NRXN3: variants seen among roughly 807,000 people sequenced by gnomAD.
NRXN3 encodes neurexin 3.
NRXN3 carries 32 observed loss-of-function variants against 137.6 expected under a neutral mutation model. The observed-to-expected ratio is 0.23, with a 90% confidence interval of 0.18 to 0.31. NRXN3 has a LOEUF of 0.31. Among genes scored for constraint, NRXN3 ranks in the 10% least tolerant of loss-of-function variants. The pLI is 1.00. For synonymous variants in NRXN3, 798 were observed against 784.5 expected (o/e 1.02, Z -0.29); for missense variants, 1,574 against 2,062.5 (o/e 0.76, Z 4.59).
chr14:79,381,861 G>C (rs1464680775), intron 15 of NRXN3, among the ~76,000 whole-genome samples: 2 of 152,104 alleles, frequency 1.3e-5, no homozygotes, highest in Admixed American at 1.3e-4. Context: ...TGATGATTTT[G>C]GGTTCACATT....
chr14:79,713,244 C>T (rs549283197), intron 19 of NRXN3, among the ~76,000 whole-genome samples: 233 of 139,420 alleles, frequency 1.7e-3, no homozygotes, highest in African/African-American at 6.0e-3. Flanking sequence ...ACTTACAACT[C>T]AGGTCTCTTG....
intron 16 of NRXN3, among the ~76,000 whole-genome samples, chr14:79,490,095 T>C (rs909515506): frequency 2.7e-5 from 4 of 148,676 alleles, no homozygotes; most frequent in Non-Finnish European, 5.9e-5. Flanking sequence ...AAGCTCCAAG[T>C]GAGGTACAAA....
intron 4 of NRXN3, among the ~76,000 whole-genome samples, chr14:78,463,907 T>C (rs1180368473): frequency 1.3e-5 from 2 of 151,858 alleles, no homozygotes; most frequent in East Asian, 3.9e-4. Context: ...AACACAGTTG[T>C]TCAGTATTGC....
chr14:79,619,405 G>A (rs961701715), intron 16 of NRXN3, among the ~76,000 whole-genome samples: 1 of 152,038 alleles, frequency 6.6e-6, no homozygotes, highest in Non-Finnish European at 1.5e-5. Context: ...TAGGGGTCCA[G>A]TTTCAATCTT....
intron 16 of NRXN3, among the ~76,000 whole-genome samples, chr14:79,622,687 C>T (rs1022673252): frequency 1.6e-4 from 24 of 152,138 alleles, no homozygotes; most frequent in African/African-American, 5.6e-4. Flanking sequence ...ACCTCCGCCT[C>T]CCAGGTTCAA....
At chr14:78,298,908 G>A (rs1597024342) in intron 4 of NRXN3, among the ~76,000 whole-genome samples, 1 of 152,160 alleles carries the variant, frequency 6.6e-6, no homozygotes, top group Non-Finnish European at 1.5e-5. Context: ...CCCTGACATT[G>A]AGTCCATCAG....
chr14:79,652,348 C>CA (rs2098480591), intron 16 of NRXN3, among the ~76,000 whole-genome samples: 1 of 151,998 alleles, frequency 6.6e-6, no homozygotes, highest in Admixed American at 6.6e-5. Flanking sequence ...CTTTAAATGT[C>CA]AAAAAATAAA....
At chr14:78,437,703 A>G (rs1236658399) in intron 4 of NRXN3, among the ~76,000 whole-genome samples, 16 of 152,138 alleles carry the variant, frequency 1.1e-4, no homozygotes, top group Admixed American at 2.6e-4. Flanking sequence ...CTGGTACTAA[A>G]ATGCTTCAGA....
intron 4 of NRXN3, among the ~76,000 whole-genome samples, chr14:78,639,416 G>A (rs1283107906): frequency 6.6e-6 from 1 of 152,212 alleles, no homozygotes; most frequent in African/African-American, 2.4e-5. Context: ...ACTGGCTACA[G>A]CCACTTCAGA....
intron 15 of NRXN3, among the ~76,000 whole-genome samples, chr14:79,456,558 C>T (rs2096260133): frequency 6.6e-6 from 1 of 152,100 alleles, no homozygotes; most frequent in South Asian, 2.1e-4. Flanking sequence ...GAAACCCTGT[C>T]TCTACTAAAA....
rs1415957133 is a variant in NRXN3 at position 79,636,592 on chromosome 14, TA to T, written c.3445-27185del. 5.3e-5 allele frequency among the ~76,000 whole-genome samples: 8 copies of T among 152,312 alleles called. No individual in the cohort carries two copies. In the East Asian group the frequency reaches 1.5e-3, roughly 29 times the overall value. On this transcript the variant is annotated intron_variant, in intron 16 of 20. Transcript: ENST00000335750. ...GAGACCTAAATGCCTTCTCTCAGAT[TA>T]TTTTTTTATTATATTTCCAGTGAGC... is the stretch of plus-strand genomic sequence containing the variant.
chr14:78,286,167 A>G (rs1294478400), intron 3 of NRXN3, among the ~76,000 whole-genome samples: 1 of 152,170 alleles, frequency 6.6e-6, no homozygotes, highest in Non-Finnish European at 1.5e-5. Context: ...AGCTGGAAAA[A>G]TCATTTGTGG....
chr14:79,854,007 A>C, intron 20 of NRXN3: 1 of 984,206 alleles, frequency 1.0e-6, no homozygotes, highest in Non-Finnish European at 1.2e-6. Flanking sequence ...TGTGGTGTGG[A>C]TGTATGTGTT....
chr14:78,824,582 A>G (rs1226979048), intron 10 of NRXN3, among the ~76,000 whole-genome samples: 1 of 152,250 alleles, frequency 6.6e-6, no homozygotes, highest in Non-Finnish European at 1.5e-5. Flanking sequence ...CCATCCTTAC[A>G]AAGACAGAAA....
At chr14:79,774,381 C>T (rs924721522) in intron 19 of NRXN3, among the ~76,000 whole-genome samples, 9 of 152,228 alleles carry the variant, frequency 5.9e-5, no homozygotes, top group East Asian at 1.9e-4. Context: ...AGGCTTATGG[C>T]GACCTTGCTT....
chr14:78,863,328 GC>G (rs2152536935), intron 10 of NRXN3, among the ~76,000 whole-genome samples: 1 of 152,248 alleles, frequency 6.6e-6, no homozygotes, highest in Non-Finnish European at 1.5e-5. Flanking sequence ...TATCAGTTCA[GC>G]CCCCGTATGG....
intron 10 of NRXN3, among the ~76,000 whole-genome samples, chr14:78,892,628 A>G (rs2099162280): frequency 6.6e-6 from 1 of 151,748 alleles, no homozygotes; most frequent in Non-Finnish European, 1.5e-5. Flanking sequence ...ATGGTTGTAA[A>G]TCAGTCTTTT....
intron 6 of NRXN3, among the ~76,000 whole-genome samples, chr14:78,671,284 T>C (rs750978378): frequency 6.6e-6 from 1 of 152,222 alleles, no homozygotes; most frequent in Non-Finnish European, 1.5e-5. Context: ...CATTTTGTTT[T>C]GCTTTTGAAT....
chr14:79,720,934 C>T (rs1332689201), intron 19 of NRXN3, among the ~76,000 whole-genome samples: 2 of 151,910 alleles, frequency 1.3e-5, no homozygotes, highest in Non-Finnish European at 2.9e-5. Flanking sequence ...TTTGAAGGTC[C>T]ATTTTAAAAA....
Sources: gnomAD v4.1 joint callset for allele counts (sites outside exome capture counted in the v4.1 genomes callset) on GRCh38, gnomAD v4.1.1 for gene constraint, MANE v1.5 for transcripts, NCBI Gene and HGNC (gene_info 2026-07-23, HGNC 2026-07-21) for gene names.